ZBTB20: variants seen among roughly 807,000 people sequenced by gnomAD.
ZBTB20 encodes zinc finger and BTB domain-containing protein 20.
ZBTB20 carries 9 observed loss-of-function variants against 56.9 expected under a neutral mutation model. The observed-to-expected ratio is 0.16, with a 90% CI of 0.10 to 0.28. The LOEUF is 0.28. ZBTB20 is among the 10% of genes least tolerant of loss of function. The pLI is 1.00. For synonymous variants in ZBTB20, 417 were observed against 420.7 expected (o/e 0.99, Z 0.11); for missense variants, 655 against 1,003.0 (o/e 0.65, Z 4.69).
chr3:114,369,583 A>C (rs1235241605), intron 10 of ZBTB20, among the ~76,000 whole-genome samples: 3 of 152,244 alleles, frequency 2.0e-5, no homozygotes, highest in Non-Finnish European at 2.9e-5. Flanking sequence ...CAGTAGAAGT[A>C]TATCAGATAC....
At chr3:114,529,755 T>C (rs1042649638) in intron 6 of ZBTB20, among the ~76,000 whole-genome samples, 3 of 152,240 alleles carry the variant, frequency 2.0e-5, no homozygotes, top group Non-Finnish European at 4.4e-5. Flanking sequence ...AAATGTATTG[T>C]GACAACCACA....
intron 4 of ZBTB20, among the ~76,000 whole-genome samples, chr3:114,812,859 G>A (rs1259699281): frequency 6.6e-6 from 1 of 152,224 alleles, no homozygotes; most frequent in Non-Finnish European, 1.5e-5. Flanking sequence ...GGCAGCTAAG[G>A]CCCGGCGAGA....
chr3:114,892,215 T>C (rs1420932629), intron 4 of ZBTB20, among the ~76,000 whole-genome samples: 1 of 152,218 alleles, frequency 6.6e-6, no homozygotes, highest in Non-Finnish European at 1.5e-5. Flanking sequence ...GATAGCTCCA[T>C]TTTACATTCC....
At chr3:114,697,539 C>A (rs2063118781) in intron 5 of ZBTB20, among the ~76,000 whole-genome samples, 1 of 148,200 alleles carries the variant, frequency 6.7e-6, no homozygotes, top group South Asian at 2.2e-4. Flanking sequence ...CTGTTATTTC[C>A]TTTTTTTTTT....
chr3:115,139,536 A>G (rs1185946490), intron 1 of ZBTB20, among the ~76,000 whole-genome samples: 1 of 152,064 alleles, frequency 6.6e-6, no homozygotes, highest in Admixed American at 6.5e-5. Flanking sequence ...TGGATATAAT[A>G]TAAGATCAAA....
intron 1 of ZBTB20, among the ~76,000 whole-genome samples, chr3:115,093,300 T>C (rs1440138741): frequency 6.6e-6 from 1 of 152,194 alleles, no homozygotes; most frequent in Non-Finnish European, 1.5e-5. Context: ...GTGAAACTAC[T>C]GTGTATAGGC....
chr3:114,343,504 G>A (rs552488727), intron 11 of ZBTB20, among the ~76,000 whole-genome samples: 1 of 152,224 alleles, frequency 6.6e-6, no homozygotes, highest in African/African-American at 2.4e-5. Context: ...ACCAAGACAG[G>A]GTGCTTGATG....
intron 2 of ZBTB20, among the ~76,000 whole-genome samples, chr3:115,009,123 C>G (rs1189079957): frequency 6.6e-6 from 1 of 151,708 alleles, no homozygotes; most frequent in Non-Finnish European, 1.5e-5. Context: ...GAATTTTCTT[C>G]TGTTTCTTGG....
intron 2 of ZBTB20, among the ~76,000 whole-genome samples, chr3:114,991,423 T>A (rs1243283488): frequency 1.3e-5 from 2 of 152,012 alleles, no homozygotes; most frequent in African/African-American, 4.8e-5. Context: ...TTTGAGTGAG[T>A]TTCTTAATCC....
rs186192140 is a variant in ZBTB20, at chr3:114,692,298, G to A, written c.-295+1230C>T. Among the ~76,000 whole-genome samples, 13 of 152,130 alleles carry A rather than the reference G, an allele frequency of 8.5e-5. No individual in the cohort carries two copies. The East Asian group carries it at 1.5e-3, about 18-fold the overall frequency. On this transcript the variant is annotated intron_variant, in intron 6 of 11. Coordinates refer to ENST00000675478, the MANE Select transcript of ZBTB20 (RefSeq NM_001348800.3). Reference sequence around the variant, plus strand: ...AAAGCGTGGGAGTGGGGAGGGAGGCGGAGCTACAATCCCGAAGGCTCCTGG... The same window carrying A: ...AAAGCGTGGGAGTGGGGAGGGAGGCAGAGCTACAATCCCGAAGGCTCCTGG...
At chr3:114,859,298 T>C (rs1335704291) in intron 4 of ZBTB20, among the ~76,000 whole-genome samples, 1 of 149,816 alleles carries the variant, frequency 6.7e-6, no homozygotes, top group Non-Finnish European at 1.5e-5. Context: ...CTTCCTTCCT[T>C]CTTTCCTTCC....
intron 6 of ZBTB20, among the ~76,000 whole-genome samples, chr3:114,686,929 TCAA>T (rs1382096916): frequency 3.3e-5 from 5 of 151,972 alleles, no homozygotes; most frequent in Admixed American, 2.6e-4. Context: ...TAGTGAACCT[TCAA>T]CAACAACAAC....
intron 1 of ZBTB20, among the ~76,000 whole-genome samples, chr3:115,110,679 T>C (rs947684199): frequency 2.0e-5 from 3 of 152,114 alleles, no homozygotes; most frequent in Non-Finnish European, 4.4e-5. Context: ...TATATCTCAA[T>C]GAAGAGAATT....
intron 6 of ZBTB20, among the ~76,000 whole-genome samples, chr3:114,619,718 T>A (rs1258122660): frequency 6.6e-6 from 1 of 152,210 alleles, no homozygotes; most frequent in African/African-American, 2.4e-5. Context: ...CCTATTTCTC[T>A]ACTCATTGAT....
chr3:114,561,483 G>A (rs1019705811), intron 6 of ZBTB20, among the ~76,000 whole-genome samples: 9 of 152,244 alleles, frequency 5.9e-5, no homozygotes, highest in Non-Finnish European at 1.0e-4. Flanking sequence ...TAGATGTCGT[G>A]TTAGCAGGCA....
At chr3:115,012,838 A>G (rs928000082) in intron 2 of ZBTB20, among the ~76,000 whole-genome samples, 3 of 151,822 alleles carry the variant, frequency 2.0e-5, no homozygotes, top group African/African-American at 7.2e-5. Context: ...GTCTTAAGAC[A>G]TTCAAAAAAT....
intron 6 of ZBTB20, among the ~76,000 whole-genome samples, chr3:114,664,637 C>A (rs974318765): frequency 1.3e-5 from 2 of 151,668 alleles, no homozygotes; most frequent in Non-Finnish European, 2.9e-5. Context: ...ACGTACTAGC[C>A]TAGGCCGATA....
intron 4 of ZBTB20, among the ~76,000 whole-genome samples, chr3:114,895,562 T>C (rs2074841212): frequency 6.6e-6 from 1 of 152,166 alleles, no homozygotes; most frequent in Non-Finnish European, 1.5e-5. Context: ...AGTCTAATTA[T>C]GTTGAACTGA....
chr3:114,566,659 G>C (rs1438682391), intron 6 of ZBTB20, among the ~76,000 whole-genome samples: 1 of 152,088 alleles, frequency 6.6e-6, no homozygotes, highest in Non-Finnish European at 1.5e-5. Context: ...AACTCATGTC[G>C]GGGTAAAAAG....
Sources: gnomAD v4.1 joint callset for allele counts (sites outside exome capture counted in the v4.1 genomes callset) on GRCh38, gnomAD v4.1.1 for gene constraint, MANE v1.5 for transcripts, NCBI Gene and HGNC (gene_info 2026-07-23, HGNC 2026-07-21) for gene names.